The following GAS7 variants were observed in gnomAD, a reference collection of about 807,000 sequenced individuals.
GAS7 encodes the protein growth arrest specific 7.
In GAS7, 28 loss-of-function variants were observed where a neutral mutation model predicts 71.1. The observed-to-expected ratio is 0.39, with a 90% CI of 0.29 to 0.54. The LOEUF (loss-of-function observed/expected upper bound fraction) is 0.54, where lower values mean the gene tolerates loss of function less well. GAS7 is among the 20% of genes least tolerant of loss of function. The probability of loss-of-function intolerance (pLI) is 0.62; values close to 1 mark genes in which losing one functional copy is unlikely to be tolerated. For synonymous variants in GAS7, 258 were observed against 245.8 expected (o/e 1.05, Z -0.46); for missense variants, 436 against 627.8 (o/e 0.69, Z 3.27).
intron 2 of GAS7, among the ~76,000 whole-genome samples, chr17:10,009,611 G>T (rs891931554): frequency 6.7e-6 from 1 of 149,948 alleles, no homozygotes; most frequent in Admixed American, 6.6e-5. Flanking sequence ...GGCCAAGATA[G>T]GAGGATTGCT....
chr17:9,988,190 C>T (rs1050582874), intron 2 of GAS7, among the ~76,000 whole-genome samples: 6 of 152,194 alleles, frequency 3.9e-5, no homozygotes, highest in African/African-American at 1.2e-4. Flanking sequence ...CCTGGTTTGG[C>T]GGTCTCTCTA....
In GAS7 at chr17:9,915,272, A is replaced by C. The variant is rs2067552858; in HGVS notation, c.*1956T>G. The C allele has an allele frequency of 4.3e-6, 1 of 230,958 alleles. No individual in the cohort carries two copies. 14.3% of individuals were successfully genotyped at this position (230,958 alleles called of 1,614,324 possible). The stretch of plus-strand genomic sequence containing the variant: ...CATATTGTACTCAAAATATCTTGTT[A>C]ATAACAAGGCTATTGGCTTTGAATG... On this transcript the variant is annotated 3_prime_UTR_variant, in exon 14 of 14. Coordinates refer to ENST00000432992, the MANE Select transcript of GAS7 (RefSeq NM_201433.2).
intron 1 of GAS7, among the ~76,000 whole-genome samples, chr17:10,138,974 A>G (rs899167272): frequency 6.6e-6 from 1 of 152,240 alleles, no homozygotes; most frequent in Non-Finnish European, 1.5e-5. Flanking sequence ...CTGACAAGAC[A>G]TCATTTGATA....
At chr17:10,121,543 C>T (rs1483750759) in intron 1 of GAS7, among the ~76,000 whole-genome samples, 1 of 152,168 alleles carries the variant, frequency 6.6e-6, no homozygotes, top group Non-Finnish European at 1.5e-5. Flanking sequence ...ATACTACTTA[C>T]AGGTCTATTG....
intron 5 of GAS7, among the ~76,000 whole-genome samples, chr17:9,949,051 G>A (rs544410090): frequency 7.9e-5 from 12 of 152,202 alleles, no homozygotes; most frequent in East Asian, 1.9e-4. Context: ...GTACCCAGGC[G>A]TCACAGAAAC....
intron 4 of GAS7, among the ~76,000 whole-genome samples, chr17:9,962,765 G>A (rs1047130001): frequency 6.6e-6 from 1 of 152,180 alleles, no homozygotes; most frequent in African/African-American, 2.4e-5. Flanking sequence ...ACAGATGACT[G>A]ACAAATTAGA....
At chr17:9,971,325 G>A (rs2069951873) in intron 3 of GAS7, among the ~76,000 whole-genome samples, 1 of 152,180 alleles carries the variant, frequency 6.6e-6, no homozygotes, top group Admixed American at 6.5e-5. Context: ...ACTTTGGGAG[G>A]CAGAGGGAGG....
intron 1 of GAS7, among the ~76,000 whole-genome samples, chr17:10,070,919 G>T (rs559698713): frequency 2.7e-5 from 4 of 149,804 alleles, no homozygotes; most frequent in Non-Finnish European, 4.4e-5. Context: ...AAGTAATTGC[G>T]TTTTTTGCCA....
Position 9,964,863 on chromosome 17 carries a change from T to C in GAS7, c.471+4814A>G, listed in dbSNP as rs545878171. Among the ~76,000 whole-genome samples, 4 of 152,344 alleles carry C rather than the reference T, an allele frequency of 2.6e-5. No individual in the cohort carries two copies. The South Asian group carries it at 8.3e-4, about 32-fold the overall frequency. On this transcript the variant is annotated intron_variant, in intron 4 of 13. Transcript: ENST00000432992. Reference sequence around the variant, plus strand: ...ATAAGAACATGTGTTATTGAATTATTGAGGTAGGTAGGAGGTGGTGGAGAT... The same window carrying C: ...ATAAGAACATGTGTTATTGAATTATCGAGGTAGGTAGGAGGTGGTGGAGAT...
chr17:9,963,038 T>C (rs866465827), intron 4 of GAS7, among the ~76,000 whole-genome samples: 2 of 88,466 alleles, frequency 2.3e-5, no homozygotes, highest in Admixed American at 1.2e-4. Flanking sequence ...GTCAAGGTGA[T>C]GAAAAAAAAA....
intron 1 of GAS7, among the ~76,000 whole-genome samples, chr17:10,140,322 C>A (rs1306827200): frequency 6.6e-6 from 1 of 152,072 alleles, no homozygotes; most frequent in East Asian, 1.9e-4. Context: ...ATTCGCCAGG[C>A]ATGGTGGGGC....
At chr17:10,124,120 A>G (rs1170406608) in intron 1 of GAS7, among the ~76,000 whole-genome samples, 3 of 152,216 alleles carry the variant, frequency 2.0e-5, no homozygotes, top group African/African-American at 4.8e-5. Flanking sequence ...GAGGAGGCGG[A>G]GTGGGAAACA....
At chr17:10,056,328 C>G (rs1035400318) in intron 1 of GAS7, among the ~76,000 whole-genome samples, 2 of 151,970 alleles carry the variant, frequency 1.3e-5, no homozygotes, top group Admixed American at 1.3e-4. Flanking sequence ...CAGCCTGTCT[C>G]TACAAAAACT....
chr17:9,978,046 A>G (rs1801528760), intron 3 of GAS7, among the ~76,000 whole-genome samples: 1 of 152,040 alleles, frequency 6.6e-6, no homozygotes, highest in African/African-American at 2.4e-5. Context: ...TCTTGTCTCT[A>G]TGAAAAATTC....
Position 9,919,153 on chromosome 17 carries a change from C to T in GAS7, c.1218+473G>A, listed in dbSNP as rs557611565. Reference sequence around the variant, plus strand: ...TACTCAAGAGCATCATCGGCCCTGCCGCCTGTTGTTCACCCTTGGTGAGAG... The same window carrying T: ...TACTCAAGAGCATCATCGGCCCTGCTGCCTGTTGTTCACCCTTGGTGAGAG... On this transcript the variant is annotated intron_variant, in intron 12 of 13. Coordinates refer to ENST00000432992, the MANE Select transcript of GAS7 (RefSeq NM_201433.2). The surrounding 1 kb of genome is among the most constrained non-coding windows in gnomAD (Gnocchi z 5.0). 2.7e-5 allele frequency among the ~76,000 whole-genome samples: 4 copies of T among 146,870 alleles called. No homozygotes were observed. Among genetic ancestry groups the T allele is most frequent in the South Asian group, 2.3e-4 (1 of 4,442 alleles).
At chr17:10,042,347 G>A (rs1157556522) in intron 1 of GAS7, among the ~76,000 whole-genome samples, 1 of 151,574 alleles carries the variant, frequency 6.6e-6, no homozygotes, top group African/African-American at 2.4e-5. Context: ...TCTGGGTAGG[G>A]TGATGACTCA....
At chr17:10,018,483 C>A (rs566698573) in intron 2 of GAS7, among the ~76,000 whole-genome samples, 1 of 152,282 alleles carries the variant, frequency 6.6e-6, no homozygotes, top group South Asian at 2.1e-4. Flanking sequence ...TACATAGACA[C>A]ACTCTCCTCT....
At chr17:10,134,994 G>A (rs762421872) in intron 1 of GAS7, among the ~76,000 whole-genome samples, 2 of 151,932 alleles carry the variant, frequency 1.3e-5, no homozygotes, top group Non-Finnish European at 2.9e-5. Flanking sequence ...CACCACGCCC[G>A]GGTAATTCTT....
Position 9,945,901 on chromosome 17 carries a change from T to C in GAS7, c.615+993A>G, listed in dbSNP as rs572917233. On this transcript the variant is annotated intron_variant, in intron 6 of 13. Coordinates refer to ENST00000432992, the MANE Select transcript of GAS7 (RefSeq NM_201433.2). ...CAGGAGGCTGAGACAGGAGAGTCGC[T>C]TGAACCTGGGAGGTGGAGGCTGGAG... is the stretch of plus-strand genomic sequence containing the variant. Among the ~76,000 whole-genome samples the C allele has an allele frequency of 1.7e-3, 264 of 152,108 alleles. 2 individuals are homozygous for C. The highest frequency in any genetic ancestry group is 2.1e-3 in the Non-Finnish European group (142 of 68,014).
Sources: gnomAD v4.1 joint callset for allele counts (sites outside exome capture counted in the v4.1 genomes callset) on GRCh38, gnomAD v4.1.1 for gene constraint, Gnocchi (gnomAD v3.1) non-coding constraint, MANE v1.5 for transcripts, NCBI Gene and HGNC (gene_info 2026-07-23, HGNC 2026-07-21) for gene names.